COL15A1: variants seen among roughly 807,000 people sequenced by gnomAD.
The protein encoded by COL15A1 is collagen alpha-1(XV) chain.
In COL15A1, 111 loss-of-function variants were observed where a neutral mutation model predicts 165.9. The observed-to-expected ratio is 0.67, with a 90% CI of 0.57 to 0.78. COL15A1 has a LOEUF of 0.78. Ranked by LOEUF, COL15A1 falls within the 30% of genes least tolerant of loss-of-function variation. The pLI is 0.00. For missense variants in COL15A1, 1,745 were observed against 1,789.7 expected (o/e 0.98, Z 0.45); for synonymous variants, 659 against 674.8 (o/e 0.98, Z 0.36).
chr9:98,962,978 C>T (rs1176678751), intron 2 of COL15A1, among the ~76,000 whole-genome samples: 1 of 152,166 alleles, frequency 6.6e-6, no homozygotes, highest in East Asian at 1.9e-4. Flanking sequence ...GTGTTGATGG[C>T]CATGAGAAGC....
chr9:98,996,427 T>C (rs1838543629), intron 5 of COL15A1, among the ~76,000 whole-genome samples: 1 of 152,242 alleles, frequency 6.6e-6, no homozygotes, highest in Non-Finnish European at 1.5e-5. Context: ...TAGTTGGTAA[T>C]GTTGGTTAAG....
intron 36 of COL15A1, 71 bp downstream of exon 36, chr9:99,060,024 C>G (rs2117955605): frequency 6.6e-7 from 1 of 1,526,068 alleles, no homozygotes; most frequent in Non-Finnish European, 8.9e-7. Context: ...TGCCTACGAT[C>G]TCCTGTGTCT....
At chr9:98,952,437 G>A (rs1376561699) in intron 2 of COL15A1, among the ~76,000 whole-genome samples, 1 of 152,022 alleles carries the variant, frequency 6.6e-6, no homozygotes, top group Non-Finnish European at 1.5e-5. Context: ...ATTCCTGATT[G>A]CCTCAGTTTG....
Position 99,044,655 on chromosome 9 carries a change from C to T in COL15A1, c.2643+19C>T. On this transcript the variant is annotated intron_variant, in intron 25 of 41. Coordinates refer to ENST00000375001, the MANE Select transcript of COL15A1 (RefSeq NM_001855.5). The stretch of plus-strand genomic sequence containing the variant: ...GAAAAAGGTAATTATGTCACCAGAC[C>T]CTGCAGGCACATATCTGCCCCAGCT... The T allele has an allele frequency of 5.0e-6, 8 of 1,613,192 alleles. No individual in the cohort carries two copies. Among genetic ancestry groups the T allele is most frequent in the Non-Finnish European group, 6.8e-6 (8 of 1,179,218 alleles).
chr9:99,030,267 T>C (rs532858171), intron 16 of COL15A1, among the ~76,000 whole-genome samples: 1 of 152,358 alleles, frequency 6.6e-6, no homozygotes, highest in African/African-American at 2.4e-5. Context: ...TTTCATCACT[T>C]TTAAAACCAT....
At position 99,069,898 on chromosome 9, in the gene COL15A1, T is replaced by C; in HGVS notation, c.*12T>C. 6.3e-7 allele frequency: 1 copy of C among 1,594,244 alleles called. No homozygotes were observed. The highest frequency in any genetic ancestry group is 8.6e-7 in the Non-Finnish European group (1 of 1,163,976). On this transcript the variant is annotated 3_prime_UTR_variant, in exon 42 of 42. Transcript: ENST00000375001. ...ACGCTAGGAAGTAATGGCCTTCTGA[T>C]GATTCTTAAAGAGTTTTCAATTTTT...
chr9:98,965,005 G>A (rs1376769579), intron 2 of COL15A1, among the ~76,000 whole-genome samples: 2 of 152,194 alleles, frequency 1.3e-5, no homozygotes, highest in Non-Finnish European at 2.9e-5. Context: ...TGTTCCCAGG[G>A]CAGCTTGATT....
chr9:99,066,067 C>T (rs1825886419), intron 39 of COL15A1, among the ~76,000 whole-genome samples: 1 of 152,014 alleles, frequency 6.6e-6, no homozygotes, highest in Non-Finnish European at 1.5e-5. Flanking sequence ...CCAGGTCCTG[C>T]ACCAGCCTCT....
intron 2 of COL15A1, among the ~76,000 whole-genome samples, chr9:98,955,625 G>A (rs1438870915): frequency 6.6e-6 from 1 of 152,252 alleles, no homozygotes; most frequent in East Asian, 1.9e-4. Context: ...AGCAGGGTGA[G>A]AGTAGGCACT....
At chr9:98,977,357 A>G (rs1387702070) in intron 2 of COL15A1, among the ~76,000 whole-genome samples, 1 of 152,142 alleles carries the variant, frequency 6.6e-6, no homozygotes. Flanking sequence ...GGTCAAGCCC[A>G]TGGACCCAGT....
intron 2 of COL15A1, among the ~76,000 whole-genome samples, chr9:98,974,989 A>G (rs1838118957): frequency 6.7e-6 from 1 of 150,166 alleles, no homozygotes; most frequent in African/African-American, 2.5e-5. Flanking sequence ...GGGTCCCTTA[A>G]CAGACCTTTC....
chr9:98,989,589 C>A (rs1838381295), intron 5 of COL15A1, among the ~76,000 whole-genome samples: 1 of 152,228 alleles, frequency 6.6e-6, no homozygotes, highest in African/African-American at 2.4e-5. Context: ...ACCTCAACTC[C>A]TCTTCCAAGA....
chr9:99,067,730 C>T (rs1825917503), intron 40 of COL15A1, among the ~76,000 whole-genome samples: 1 of 152,210 alleles, frequency 6.6e-6, no homozygotes, highest in Admixed American at 6.5e-5. Context: ...AAGTTCCATC[C>T]TAACCCCATA....
chr9:99,005,947 A>C (rs1838755325), intron 9 of COL15A1, among the ~76,000 whole-genome samples: 1 of 152,030 alleles, frequency 6.6e-6, no homozygotes, highest in South Asian at 2.1e-4. Context: ...TGGCCTACCT[A>C]GCCTTGCTGA....
intron 36 of COL15A1, among the ~76,000 whole-genome samples, chr9:99,061,321 C>T (rs1242506628): frequency 6.6e-6 from 1 of 152,120 alleles, no homozygotes; most frequent in East Asian, 1.9e-4. Flanking sequence ...CTCTCTTGGC[C>T]GTTATTTCTT....
At chr9:99,054,933 A>C (rs1825690707) in intron 32 of COL15A1, among the ~76,000 whole-genome samples, 169 bp from the exon 33 acceptor site, 1 of 152,232 alleles carries the variant, frequency 6.6e-6, no homozygotes, top group Admixed American at 6.5e-5. Flanking sequence ...GTCTGGGTTG[A>C]TGGGCCCACA....
In COL15A1 at chr9:98,985,803, C is replaced by G. The variant is rs1411354423; in HGVS notation, c.339C>G (p.Ala113=). The G allele has an allele frequency of 1.9e-6, 3 of 1,613,934 alleles. No individual in the cohort carries two copies. The highest frequency in any genetic ancestry group is 2.5e-6 in the Non-Finnish European group (3 of 1,180,058). ...RGGVLFAITD[A]FQKVIYLGLR... is the part of the protein sequence containing the mutation. ...GCGTGCTCTTCGCCATCACTGACGCCTTCCAGAAGGTCATCTACCTGGGCC... is the reference window on the plus strand; with the variant it reads ...GCGTGCTCTTCGCCATCACTGACGCGTTCCAGAAGGTCATCTACCTGGGCC... Residue 113 remains alanine (A), a synonymous_variant, in exon 3 of 42, where the codon GCC becomes GCG. Transcript: ENST00000375001.
chr9:99,048,079 G>C, intron 28 of COL15A1, 79 bp downstream of exon 28: 1 of 795,802 alleles, frequency 1.3e-6, no homozygotes, highest in Non-Finnish European at 2.2e-6. Flanking sequence ...AGCAGGGCCT[G>C]TGGACTGAAT....
chr9:99,049,353 A>C (rs1294261858), intron 28 of COL15A1, among the ~76,000 whole-genome samples: 1 of 152,252 alleles, frequency 6.6e-6, no homozygotes, highest in Admixed American at 6.5e-5. Flanking sequence ...CCTTAGGCTC[A>C]GTATCAACTG....
Sources: allele counts gnomAD v4.1 joint callset (sites outside exome capture counted in the v4.1 genomes callset), GRCh38; gene constraint gnomAD v4.1.1; transcripts MANE v1.5; gene names NCBI Gene and HGNC (gene_info 2026-07-23, HGNC 2026-07-21).